Variants in TGFBR3 observed in about 807,000 individuals in gnomAD.
TGFBR3 encodes the protein transforming growth factor beta receptor type 3.
TGFBR3 carries 46 observed loss-of-function variants against 87.9 expected under a neutral mutation model. The ratio of observed to expected loss-of-function variants is 0.52; its 90% CI spans 0.41 to 0.67. The LOEUF is 0.67. Ranked by LOEUF, TGFBR3 falls within the 30% of genes least tolerant of loss-of-function variation. TGFBR3 has a pLI of 0.00. For synonymous variants in TGFBR3, 381 were observed against 391.6 expected (o/e 0.97, Z 0.32); for missense variants, 866 against 1,041.9 (o/e 0.83, Z 2.32).
intron 1 of TGFBR3, among the ~76,000 whole-genome samples, chr1:91,885,620 C>T (rs1038158552): frequency 9.2e-5 from 14 of 152,322 alleles, no homozygotes; most frequent in African/African-American, 3.4e-4. Flanking sequence ...TCCTCCCCAG[C>T]ACTGCGCATC....
chr1:91,875,031 G>A (rs1678728220), intron 1 of TGFBR3, among the ~76,000 whole-genome samples: 1 of 152,120 alleles, frequency 6.6e-6, no homozygotes, highest in African/African-American at 2.4e-5. Flanking sequence ...TCAACTGTAA[G>A]CCTGATCTTT....
At chr1:91,719,868 C>A in intron 9 of TGFBR3, 25 bp downstream of exon 9, 1 of 1,610,208 alleles carries the variant, frequency 6.2e-7, no homozygotes. Flanking sequence ...AGCCTCTCTT[C>A]CCTCCTGTAA....
intron 4 of TGFBR3, among the ~76,000 whole-genome samples, chr1:91,742,372 T>C (rs963246434): frequency 6.6e-6 from 1 of 152,234 alleles, no homozygotes; most frequent in Non-Finnish European, 1.5e-5. Context: ...GACCCAATAA[T>C]TGCTTGTTGA....
At chr1:91,893,404 C>T (rs1215666914) in intron 2 of TGFBR3, among the ~76,000 whole-genome samples, 1 of 152,052 alleles carries the variant, frequency 6.6e-6, no homozygotes, top group Non-Finnish European at 1.5e-5. Context: ...TGTGCCTCAG[C>T]TCTCAAGTGG....
At chr1:91,863,857 C>T (rs936169217) in intron 1 of TGFBR3, 10 of 152,178 alleles carry the variant, frequency 6.6e-5, no homozygotes, top group African/African-American at 2.4e-4. Context: ...ATTTCTGTCA[C>T]CATAATTCCA....
At chr1:91,715,110 C>T (rs1270802690) in intron 12 of TGFBR3, among the ~76,000 whole-genome samples, 4 of 152,202 alleles carry the variant, frequency 2.6e-5, no homozygotes, top group South Asian at 2.1e-4. Context: ...CCAAAACCAG[C>T]TCATTAGATG....
At chr1:91,872,391 A>G (rs1307459662) in intron 1 of TGFBR3, among the ~76,000 whole-genome samples, 1 of 152,234 alleles carries the variant, frequency 6.6e-6, no homozygotes. Flanking sequence ...AATTTCAGGG[A>G]CAACCCCTTA....
intron 3 of TGFBR3, among the ~76,000 whole-genome samples, chr1:91,772,895 T>C (rs982088610): frequency 2.0e-5 from 3 of 152,194 alleles, no homozygotes; most frequent in African/African-American, 7.2e-5. Context: ...AGTAAATTGT[T>C]GGCATGAAAT....
At position 91,904,029 on chromosome 1, in the gene TGFBR3, T is replaced by A. The variant is rs540027862; in HGVS notation, c.-175+1797A>T. Among the ~76,000 whole-genome samples the A allele has an allele frequency of 5.3e-5, 8 of 151,990 alleles. No homozygotes were observed. In the South Asian group the frequency reaches 8.3e-4, roughly 16 times the overall value. ...TCTCTACTAAAAATACAAAAAAAAT[T>A]AGCCAGGCCTGGTGGCGCGTTCCTA... On this transcript the variant is annotated intron_variant, in intron 1 of 17. Coordinates refer to the TGFBR3 transcript ENST00000370399.
intron 2 of TGFBR3, among the ~76,000 whole-genome samples, chr1:91,831,290 TAG>T (rs1015201498): frequency 6.6e-6 from 1 of 152,270 alleles, no homozygotes; most frequent in Non-Finnish European, 1.5e-5. Context: ...TCACCTTGGC[TAG>T]AGCCCAAGGA....
chr1:91,858,006 A>G (rs1427339432), intron 2 of TGFBR3, among the ~76,000 whole-genome samples: 5 of 152,236 alleles, frequency 3.3e-5, no homozygotes, highest in African/African-American at 1.2e-4. Flanking sequence ...TGGACTAAGT[A>G]GGTTTATAGT....
Position 91,731,429 on chromosome 1 carries a change from A to C in TGFBR3, c.569-1456T>G, listed in dbSNP as rs539422900. Among the ~76,000 whole-genome samples, 281 of 152,226 alleles carry C rather than the reference A, an allele frequency of 1.8e-3. 1 individual carries two copies. Among genetic ancestry groups the C allele is most frequent in the African/African-American group, 6.4e-3 (267 of 41,524 alleles). On this transcript the variant is annotated intron_variant, in intron 5 of 16. Transcript: ENST00000212355. The stretch of plus-strand genomic sequence containing the variant: ...AGAGAGCATTGGGTTTGCACTCTGC[A>C]GTCTCCTCTAATTCCCCTCCCCCTC...
chr1:91,841,825 C>T lies in TGFBR3; in HGVS notation c.61+19646G>A, dbSNP rs182684288. ...AAAAAAAAAAAAAAGTAGTTTTAGG[C>T]CAGGTGGAGTGGCTCACACCTGTAA... On this transcript the variant is annotated intron_variant, in intron 2 of 16. Transcript: ENST00000212355. 5.0e-4 allele frequency among the ~76,000 whole-genome samples: 72 copies of T among 143,972 alleles called. No homozygotes were observed. The East Asian group carries it at 0.011, about 23-fold the overall frequency. 94.5% of individuals were successfully genotyped at this position (143,972 alleles called of 152,430 possible).
At chr1:91,785,658 G>T (rs61781087) in intron 3 of TGFBR3, among the ~76,000 whole-genome samples, 1 of 151,854 alleles carries the variant, frequency 6.6e-6, no homozygotes, top group Non-Finnish European at 1.5e-5. Flanking sequence ...CCATCCCTTG[G>T]CTCAACAACA....
At chr1:91,896,229 T>C (rs1468340403) in intron 2 of TGFBR3, among the ~76,000 whole-genome samples, 1 of 152,182 alleles carries the variant, frequency 6.6e-6, no homozygotes, top group Non-Finnish European at 1.5e-5. Context: ...CAGCACTATA[T>C]TCCTAGCTCC....
intron 7 of TGFBR3, among the ~76,000 whole-genome samples, chr1:91,724,239 G>GAGGA (rs1470597847): frequency 6.6e-6 from 1 of 152,156 alleles, no homozygotes; most frequent in Non-Finnish European, 1.5e-5. Context: ...AAGAAACAAA[G>GAGGA]AGGAAGGAAG....
intron 4 of TGFBR3, among the ~76,000 whole-genome samples, chr1:91,743,783 G>C (rs1309714522): frequency 6.6e-6 from 1 of 152,252 alleles, no homozygotes; most frequent in East Asian, 1.9e-4. Context: ...ATATTCAGGA[G>C]CAGTGGAGAA....
intron 3 of TGFBR3, among the ~76,000 whole-genome samples, chr1:91,789,643 C>T (rs1387264941): frequency 6.6e-6 from 1 of 152,220 alleles, no homozygotes; most frequent in Non-Finnish European, 1.5e-5. Context: ...TTTCTGCTTT[C>T]ACTTTTTCTA....
intron 2 of TGFBR3, among the ~76,000 whole-genome samples, chr1:91,899,476 A>C (rs1679643434): frequency 6.6e-6 from 1 of 152,178 alleles, no homozygotes; most frequent in South Asian, 2.1e-4. Flanking sequence ...ACTGCACTCC[A>C]GCCTGGGCAA....
Sources: gnomAD v4.1 joint callset for allele counts (sites outside exome capture counted in the v4.1 genomes callset) on GRCh38, gnomAD v4.1.1 for gene constraint, MANE v1.5 for transcripts, NCBI Gene and HGNC (gene_info 2026-07-23, HGNC 2026-07-21) for gene names.